Variants in MYO3B observed in about 807,000 individuals in gnomAD.
MYO3B encodes myosin-IIIb.
In MYO3B, 156 loss-of-function variants were observed where a neutral mutation model predicts 174.6. The observed-to-expected ratio is 0.89, with a 90% CI of 0.78 to 1.02. The LOEUF (loss-of-function observed/expected upper bound fraction) is 1.02, where lower values mean the gene tolerates loss of function less well. MYO3B is among the 50% of genes least tolerant of loss of function. MYO3B has a pLI of 0.00. For missense variants in MYO3B, 1,632 were observed against 1,639.4 expected (o/e 1.00, Z 0.08); for synonymous variants, 563 against 569.1 (o/e 0.99, Z 0.15).
chr2:170,453,455 A>T lies in MYO3B; in HGVS notation c.2730+9409A>T, dbSNP rs74902375. Among the ~76,000 whole-genome samples, 7 of 102,108 alleles carry T rather than the reference A, an allele frequency of 6.9e-5. No homozygotes were observed. In the East Asian group the frequency reaches 1.1e-3, roughly 17 times the overall value. 67.0% of individuals were successfully genotyped at this position (102,108 alleles called of 152,430 possible). A position where few individuals can be genotyped will look rare whatever the true frequency, so the allele number is the denominator to read the frequency against. The stretch of plus-strand genomic sequence containing the variant: ...ACACACACACACACACACACACACG[A>T]GAGAGAGAGAGAGAAAGAGAGAGCG... On this transcript the variant is annotated intron_variant, in intron 23 of 34. Coordinates refer to ENST00000408978, the MANE Select transcript of MYO3B (RefSeq NM_138995.5).
At chr2:170,416,825 T>C (rs1322479074) in intron 22 of MYO3B, among the ~76,000 whole-genome samples, 5 of 15,694 alleles carry the variant, frequency 3.2e-4, no homozygotes, top group African/African-American at 7.6e-4. Context: ...GTTGTTTTTT[T>C]TTTTTTTTTT....
At chr2:170,489,304 G>A (rs16858492) in intron 25 of MYO3B, among the ~76,000 whole-genome samples, 13,172 of 152,154 alleles carry the variant, frequency 0.087, 1,520 homozygotes, top group African/African-American at 0.26. Context: ...ACAGCCCTGT[G>A]GGAATGCCCA....
At chr2:170,335,605 C>CT (rs2093942236) in intron 8 of MYO3B, among the ~76,000 whole-genome samples, 155 bp downstream of exon 8, 1 of 152,164 alleles carries the variant, frequency 6.6e-6, no homozygotes, top group Non-Finnish European at 1.5e-5. Context: ...TAGAAGATGC[C>CT]TTTGCAAGAT....
chr2:170,215,472 G>T (rs1420250053), intron 5 of MYO3B, among the ~76,000 whole-genome samples: 1 of 151,926 alleles, frequency 6.6e-6, no homozygotes, highest in African/African-American at 2.4e-5. Flanking sequence ...GTTTATTGAA[G>T]GTTTAGTCTT....
At chr2:170,444,655 A>G (rs977951916) in intron 23 of MYO3B, among the ~76,000 whole-genome samples, 1 of 152,212 alleles carries the variant, frequency 6.6e-6, no homozygotes, top group Non-Finnish European at 1.5e-5. Flanking sequence ...AGAATAAACA[A>G]TTTGGCCACA....
intron 6 of MYO3B, among the ~76,000 whole-genome samples, chr2:170,234,265 G>A (rs2093047621): frequency 6.6e-6 from 1 of 151,772 alleles, no homozygotes; most frequent in African/African-American, 2.4e-5. Flanking sequence ...ATCTGAGACT[G>A]GGTAATTTAT....
At chr2:170,579,230 G>A (rs144560849) in intron 32 of MYO3B, among the ~76,000 whole-genome samples, 22 of 151,902 alleles carry the variant, frequency 1.4e-4, no homozygotes, top group Non-Finnish European at 3.1e-4. Flanking sequence ...GCACAGTGGG[G>A]CACTACTAGT....
intron 1 of MYO3B, among the ~76,000 whole-genome samples, chr2:170,193,793 TCTC>T (rs1304209702): frequency 6.6e-6 from 1 of 152,202 alleles, no homozygotes; most frequent in East Asian, 1.9e-4. Context: ...ATACATATTT[TCTC>T]CTTATTAATA....
rs558368550 is a variant in MYO3B, at chr2:170,506,397, G to C, written c.3370+4532G>C. ...ATCATCAGTGGGTTGGCAATGATTA[G>C]GTGGTTGTAATTTCCTAGAACTAAA... On this transcript the variant is annotated intron_variant, in intron 28 of 34. Transcript: ENST00000408978. 2.6e-5 allele frequency among the ~76,000 whole-genome samples: 4 copies of C among 152,342 alleles called. No individual in the cohort carries two copies. The South Asian group carries it at 8.3e-4, about 32-fold the overall frequency.
chr2:170,265,472 G>A (rs2093376289), intron 7 of MYO3B, among the ~76,000 whole-genome samples: 1 of 152,232 alleles, frequency 6.6e-6, no homozygotes, highest in Non-Finnish European at 1.5e-5. Flanking sequence ...AACACTGCCA[G>A]GTACCCAATT....
At chr2:170,364,735 T>C (rs2094185845) in intron 8 of MYO3B, among the ~76,000 whole-genome samples, 1 of 152,160 alleles carries the variant, frequency 6.6e-6, no homozygotes, top group Admixed American at 6.6e-5. Flanking sequence ...TTCATCTTCA[T>C]CCACTAAATC....
intron 22 of MYO3B, among the ~76,000 whole-genome samples, chr2:170,423,325 G>C (rs1410563430): frequency 6.6e-6 from 1 of 152,074 alleles, no homozygotes; most frequent in African/African-American, 2.4e-5. Context: ...ACCATATCGA[G>C]TAGCATGACT....
chr2:170,504,608 A>T (rs1687501628), intron 28 of MYO3B, among the ~76,000 whole-genome samples: 1 of 152,144 alleles, frequency 6.6e-6, no homozygotes, highest in South Asian at 2.1e-4. Flanking sequence ...CTTGACAGAG[A>T]TCAAAGTCAG....
chr2:170,573,451 G>A (rs1159101034), intron 32 of MYO3B, among the ~76,000 whole-genome samples: 2 of 151,836 alleles, frequency 1.3e-5, no homozygotes, highest in African/African-American at 2.4e-5. Context: ...GGTTCAAAGG[G>A]GCTGTCAATT....
chr2:170,403,868 C>T (rs1281101926), intron 19 of MYO3B, among the ~76,000 whole-genome samples: 3 of 152,134 alleles, frequency 2.0e-5, no homozygotes, highest in Non-Finnish European at 4.4e-5. Context: ...GTTTTCCAAC[C>T]CTAGATGATT....
At chr2:170,633,566 A>T (rs1369609627) in intron 32 of MYO3B, among the ~76,000 whole-genome samples, 1 of 152,238 alleles carries the variant, frequency 6.6e-6, no homozygotes, top group Non-Finnish European at 1.5e-5. Flanking sequence ...GGCACAAGAC[A>T]GGGATGCCCT....
chr2:170,537,061 C>T (rs1430113418), intron 30 of MYO3B, among the ~76,000 whole-genome samples: 4 of 151,722 alleles, frequency 2.6e-5, no homozygotes, highest in Non-Finnish European at 4.4e-5. Flanking sequence ...ATTAGCCGGG[C>T]GTGGTGGTGG....
At chr2:170,611,387 G>A (rs1031881204) in intron 32 of MYO3B, among the ~76,000 whole-genome samples, 2 of 152,012 alleles carry the variant, frequency 1.3e-5, no homozygotes, top group East Asian at 1.9e-4. Context: ...GAGTCATTTT[G>A]GCAAAATAGA....
chr2:170,627,632 T>G (rs1051536075), intron 32 of MYO3B, among the ~76,000 whole-genome samples: 1 of 152,204 alleles, frequency 6.6e-6, no homozygotes, highest in Non-Finnish European at 1.5e-5. Flanking sequence ...GCGCTCTGAT[T>G]TTTAGAATTT....
Sources: allele counts gnomAD v4.1 joint callset (sites outside exome capture counted in the v4.1 genomes callset), GRCh38; gene constraint gnomAD v4.1.1; transcripts MANE v1.5; gene names NCBI Gene and HGNC (gene_info 2026-07-23, HGNC 2026-07-21).